The following PHACTR1 variants were observed in gnomAD, a reference collection of about 807,000 sequenced individuals.
The protein encoded by PHACTR1 is RPEL repeat containing 1.
PHACTR1 carries 16 observed loss-of-function variants against 69.2 expected under a neutral mutation model. That is an observed-to-expected ratio of 0.23 (90% CI 0.16 to 0.35). PHACTR1 has a LOEUF of 0.35. PHACTR1 is among the 10% of genes least tolerant of loss of function. PHACTR1 has a pLI of 1.00. For synonymous variants in PHACTR1, 312 were observed against 284.5 expected (o/e 1.10, Z -0.97); for missense variants, 510 against 734.7 (o/e 0.69, Z 3.54).
At chr6:13,174,762 C>T (rs1031319348) in intron 6 of PHACTR1, among the ~76,000 whole-genome samples, 7 of 152,066 alleles carry the variant, frequency 4.6e-5, no homozygotes, top group Non-Finnish European at 8.8e-5. Context: ...CCATATAGTA[C>T]TAGCTCAGCA....
At chr6:13,265,383 C>CA (rs1186545655) in intron 10 of PHACTR1, among the ~76,000 whole-genome samples, 2 of 152,008 alleles carry the variant, frequency 1.3e-5, no homozygotes, top group Non-Finnish European at 2.9e-5. Flanking sequence ...ATTTGGGAAG[C>CA]AAAAATGGCA....
chr6:12,749,155 G>A (rs1766194419), intron 3 of PHACTR1, among the ~76,000 whole-genome samples: 1 of 152,246 alleles, frequency 6.6e-6, no homozygotes, highest in African/African-American at 2.4e-5. Flanking sequence ...GCAGCCTGTG[G>A]GTGAAGGAGA....
intron 4 of PHACTR1, among the ~76,000 whole-genome samples, chr6:12,859,733 C>T (rs533734509): frequency 6.6e-6 from 1 of 152,268 alleles, no homozygotes; most frequent in East Asian, 1.9e-4. Flanking sequence ...GAGCTCTCTT[C>T]TTGATTAGGG....
chr6:13,004,119 C>T (rs964984327), intron 4 of PHACTR1, among the ~76,000 whole-genome samples: 3 of 150,616 alleles, frequency 2.0e-5, no homozygotes, highest in African/African-American at 7.4e-5. Flanking sequence ...GATTTATTTT[C>T]CTTTGTGTAT....
intron 5 of PHACTR1, among the ~76,000 whole-genome samples, chr6:13,094,311 T>C (rs1424401952): frequency 6.6e-6 from 1 of 151,820 alleles, no homozygotes; most frequent in East Asian, 1.9e-4. Flanking sequence ...TTTTTTTTTT[T>C]TGAGATGTAA....
At chr6:13,262,357 T>C (rs426518) in intron 10 of PHACTR1, among the ~76,000 whole-genome samples, 31,196 of 152,094 alleles carry the variant, frequency 0.21, 4,896 homozygotes, top group African/African-American at 0.42. Flanking sequence ...TTAAGTCTGA[T>C]GGCCCATAGG....
At chr6:12,755,812 G>A (rs957381410) in intron 4 of PHACTR1, among the ~76,000 whole-genome samples, 1 of 152,132 alleles carries the variant, frequency 6.6e-6, no homozygotes, top group African/African-American at 2.4e-5. Flanking sequence ...GGGTATGTAA[G>A]ATCTATATTT....
At chr6:13,023,346 T>C (rs1444931285) in intron 4 of PHACTR1, among the ~76,000 whole-genome samples, 3 of 152,226 alleles carry the variant, frequency 2.0e-5, no homozygotes, top group African/African-American at 7.2e-5. Context: ...ATGACTTTTC[T>C]AATCCCCACC....
At chr6:12,771,850 G>T (rs925047017) in intron 4 of PHACTR1, among the ~76,000 whole-genome samples, 5 of 152,142 alleles carry the variant, frequency 3.3e-5, no homozygotes, top group African/African-American at 9.7e-5. Flanking sequence ...AGGGATAGAA[G>T]TTGGACAAGG....
chr6:12,796,627 A>G (rs1001387003), intron 4 of PHACTR1, among the ~76,000 whole-genome samples: 1 of 152,224 alleles, frequency 6.6e-6, no homozygotes, highest in East Asian at 1.9e-4. Context: ...GTCTCTGCAG[A>G]CACTTAAGGA....
At chr6:13,073,528 G>C (rs1175619989) in intron 5 of PHACTR1, among the ~76,000 whole-genome samples, 1 of 151,664 alleles carries the variant, frequency 6.6e-6, no homozygotes, top group Non-Finnish European at 1.5e-5. Flanking sequence ...ATTTTTAGGA[G>C]AGAAGGGGTT....
At chr6:13,278,035 T>G (rs1779303413) in intron 11 of PHACTR1, 1 of 344,938 alleles carries the variant, frequency 2.9e-6, no homozygotes, top group East Asian at 5.4e-5. Flanking sequence ...CCCCATGTGA[T>G]GTAAAGAAGG....
intron 4 of PHACTR1, among the ~76,000 whole-genome samples, chr6:12,850,372 C>T (rs36043593): frequency 0.07 from 10,694 of 152,326 alleles, 420 homozygotes; most frequent in Middle Eastern, 0.11. Flanking sequence ...TCCTCCTTCA[C>T]TCTTGCTCCA....
In PHACTR1 at chr6:12,752,606, C is replaced by A. The variant is rs2127598639; in HGVS notation, c.250+2816C>A. Among the ~76,000 whole-genome samples the A allele has an allele frequency of 2.6e-5, 4 of 152,254 alleles. No homozygotes were observed. The South Asian group carries it at 8.3e-4, about 32-fold the overall frequency. On this transcript the variant is annotated intron_variant, in intron 4 of 14. Transcript: ENST00000332995. ...TCAAGGAATACATATACATATATTCCTTTTACTTGGCTGTCACTAAATCAT... is the reference window on the plus strand; with the variant it reads ...TCAAGGAATACATATACATATATTCATTTTACTTGGCTGTCACTAAATCAT...
At chr6:13,063,724 G>A (rs1438573880) in intron 5 of PHACTR1, among the ~76,000 whole-genome samples, 1 of 151,894 alleles carries the variant, frequency 6.6e-6, no homozygotes, top group Admixed American at 6.6e-5. Flanking sequence ...AGGCTGCAGT[G>A]AGTCATGTTT....
chr6:12,912,981 T>C (rs944315178), intron 4 of PHACTR1, among the ~76,000 whole-genome samples: 1 of 152,146 alleles, frequency 6.6e-6, no homozygotes, highest in Non-Finnish European at 1.5e-5. Context: ...AACCTGGCTT[T>C]TAAAGCCATC....
At chr6:13,114,893 C>T (rs186799934) in intron 5 of PHACTR1, among the ~76,000 whole-genome samples, 29 of 152,344 alleles carry the variant, frequency 1.9e-4, no homozygotes, top group Admixed American at 5.9e-4. Flanking sequence ...TTTTTGAGCA[C>T]TTACTATATC....
In PHACTR1 at chr6:13,179,995, A is replaced by G. The variant is rs1335137424; in HGVS notation, c.497-2524A>G. Among the ~76,000 whole-genome samples, 1 of 152,136 alleles carries G rather than the reference A, an allele frequency of 6.6e-6. No homozygotes were observed. The highest frequency in any genetic ancestry group is 1.5e-5 in the Non-Finnish European group (1 of 68,028). ...TATGCAAGACGATGGTCCTCACTGC[A>G]TTTTTTTCATAATAGCATAAGTCTA... On this transcript the variant is annotated intron_variant, in intron 6 of 14. Coordinates refer to ENST00000332995, the MANE Select transcript of PHACTR1 (RefSeq NM_030948.6). This position sits in a 1 kb window ranked among gnomAD's most constrained non-coding sequence, Gnocchi z 4.2.
intron 4 of PHACTR1, among the ~76,000 whole-genome samples, chr6:12,788,540 T>C (rs183370679): frequency 9.5e-4 from 144 of 152,358 alleles, no homozygotes; most frequent in Middle Eastern, 3.4e-3. Context: ...GTTCTGATTT[T>C]TAGATGGAAA....
Sources: allele counts gnomAD v4.1 joint callset (sites outside exome capture counted in the v4.1 genomes callset), GRCh38; gene constraint gnomAD v4.1.1; non-coding constraint Gnocchi (gnomAD v3.1); transcripts MANE v1.5; gene names NCBI Gene and HGNC (gene_info 2026-07-23, HGNC 2026-07-21).